KCNIP4: variants seen among roughly 807,000 people sequenced by gnomAD.
KCNIP4 encodes Kv channel-interacting protein 4.
KCNIP4 carries 12 observed loss-of-function variants against 34.0 expected under a neutral mutation model. That is an observed-to-expected ratio of 0.35 (90% CI 0.23 to 0.57). The LOEUF (loss-of-function observed/expected upper bound fraction) is 0.57. KCNIP4 is among the 20% of genes least tolerant of loss of function. The pLI is 0.83. For synonymous variants in KCNIP4, 124 were observed against 102.2 expected (o/e 1.21, Z -1.29); for missense variants, 238 against 311.7 (o/e 0.76, Z 1.78).
intron 1 of KCNIP4, chr4:21,848,292 G>A (rs1250712174): frequency 6.6e-6 from 1 of 152,118 alleles, no homozygotes; most frequent in Non-Finnish European, 1.5e-5. Context: ...CTTGGAACTG[G>A]AAATAAGAGG....
intron 1 of KCNIP4, among the ~76,000 whole-genome samples, chr4:21,363,739 A>G (rs926622763): frequency 2.0e-5 from 3 of 152,172 alleles, no homozygotes; most frequent in African/African-American, 4.8e-5. Flanking sequence ...CCAAAGCTTG[A>G]TATCATTCCT....
At chr4:21,866,556 T>C (rs997581348) in intron 1 of KCNIP4, among the ~76,000 whole-genome samples, 1 of 152,148 alleles carries the variant, frequency 6.6e-6, no homozygotes, top group Non-Finnish European at 1.5e-5. Flanking sequence ...AGAGTAGGAA[T>C]GGTCACGTGC....
chr4:21,511,540 A>T (rs1160509477), intron 1 of KCNIP4, among the ~76,000 whole-genome samples: 1 of 152,206 alleles, frequency 6.6e-6, no homozygotes, highest in African/African-American at 2.4e-5. Flanking sequence ...TAAAACTTTG[A>T]AATGACATTG....
At position 21,213,096 on chromosome 4, in the gene KCNIP4, C is replaced by T. The variant is rs535814658; in HGVS notation, c.62-330387G>A. Among the ~76,000 whole-genome samples, 3 of 152,148 alleles carry T rather than the reference C, an allele frequency of 2.0e-5. No individual in the cohort carries two copies. The East Asian group carries it at 5.8e-4, about 30-fold the overall frequency. On this transcript the variant is annotated intron_variant, in intron 1 of 8. Coordinates refer to ENST00000382152, the MANE Select transcript of KCNIP4 (RefSeq NM_025221.6). ...AACTAAACTTGCAGGGATTTTGGCT[C>T]TCATCAAGGTCCGGACGAGGTGCAT...
At chr4:21,722,707 G>A (rs991004435) in intron 1 of KCNIP4, among the ~76,000 whole-genome samples, 2 of 152,086 alleles carry the variant, frequency 1.3e-5, no homozygotes, top group African/African-American at 2.4e-5. Flanking sequence ...GGGAGCGGAT[G>A]GGTATCTGGT....
At chr4:21,247,135 T>C (rs1760264602) in intron 1 of KCNIP4, among the ~76,000 whole-genome samples, 2 of 152,176 alleles carry the variant, frequency 1.3e-5, no homozygotes, top group Admixed American at 6.5e-5. Flanking sequence ...ATTTCAGAGT[T>C]GGAAGAGGTT....
chr4:21,499,701 A>G (rs544202959), intron 1 of KCNIP4, among the ~76,000 whole-genome samples: 3 of 152,176 alleles, frequency 2.0e-5, no homozygotes, highest in Non-Finnish European at 4.4e-5. Flanking sequence ...CTATAAGCAT[A>G]TGAACACTAT....
At chr4:20,774,374 T>C (rs1756187353) in intron 3 of KCNIP4, among the ~76,000 whole-genome samples, 1 of 152,196 alleles carries the variant, frequency 6.6e-6, no homozygotes, top group Non-Finnish European at 1.5e-5. Context: ...AACAGCCCCT[T>C]CCTTATGAGC....
At chr4:20,846,667 C>T (rs79385593) in intron 3 of KCNIP4, among the ~76,000 whole-genome samples, 39 of 152,170 alleles carry the variant, frequency 2.6e-4, no homozygotes, top group Middle Eastern at 3.4e-3. Context: ...CACACATACG[C>T]GCACACACAA....
chr4:20,974,192 A>T (rs536926613), intron 1 of KCNIP4, among the ~76,000 whole-genome samples: 3 of 152,296 alleles, frequency 2.0e-5, no homozygotes, highest in African/African-American at 7.2e-5. Flanking sequence ...CCTGGGTAAC[A>T]CACTCCTTAT....
intron 3 of KCNIP4, among the ~76,000 whole-genome samples, chr4:20,849,703 T>C (rs1423074861): frequency 6.6e-6 from 1 of 152,214 alleles, no homozygotes; most frequent in South Asian, 2.1e-4. Flanking sequence ...GGTTTCCATA[T>C]GTATAAGAAC....
intron 3 of KCNIP4, among the ~76,000 whole-genome samples, chr4:20,798,536 C>CAA (rs1291033812): frequency 2.0e-5 from 3 of 151,414 alleles, no homozygotes; most frequent in African/African-American, 7.3e-5. Flanking sequence ...CACACACACA[C>CAA]ACAGACACAC....
At chr4:20,764,351 A>G (rs1008163406) in intron 3 of KCNIP4, among the ~76,000 whole-genome samples, 14 of 152,190 alleles carry the variant, frequency 9.2e-5, no homozygotes, top group Admixed American at 5.9e-4. Flanking sequence ...CATTTTTTAC[A>G]TCATGATTTT....
chr4:21,480,715 G>A lies in KCNIP4; in HGVS notation c.61+467856C>T, dbSNP rs534839094. Reference sequence around the variant, plus strand: ...CTATAAAACACATAGAATATGTCTAGTTAAAATTATTAAAGACTCATATGT... The same window carrying A: ...CTATAAAACACATAGAATATGTCTAATTAAAATTATTAAAGACTCATATGT... On this transcript the variant is annotated intron_variant, in intron 1 of 8. Transcript: ENST00000382152. Among the ~76,000 whole-genome samples, 4 of 152,156 alleles carry A rather than the reference G, an allele frequency of 2.6e-5. No homozygotes were observed. In the South Asian group the frequency reaches 8.3e-4, roughly 32 times the overall value.
chr4:20,748,583 T>C (rs1286584666), intron 5 of KCNIP4, among the ~76,000 whole-genome samples: 2 of 93,990 alleles, frequency 2.1e-5, no homozygotes, highest in African/African-American at 7.2e-5. Flanking sequence ...TATATATATA[T>C]ATATATATAT....
chr4:21,274,528 A>C (rs975718895), intron 1 of KCNIP4, among the ~76,000 whole-genome samples: 4 of 152,184 alleles, frequency 2.6e-5, no homozygotes, highest in African/African-American at 9.6e-5. Flanking sequence ...CATATATCTA[A>C]AAGGTTACAT....
chr4:21,809,424 G>C (rs1032421922), intron 1 of KCNIP4, among the ~76,000 whole-genome samples: 6 of 152,184 alleles, frequency 3.9e-5, no homozygotes, highest in Non-Finnish European at 8.8e-5. Flanking sequence ...CCAGCTTGCA[G>C]ATGGCAGACT....
At chr4:21,346,739 T>C (rs1047626270) in intron 1 of KCNIP4, among the ~76,000 whole-genome samples, 3 of 152,124 alleles carry the variant, frequency 2.0e-5, no homozygotes, top group African/African-American at 4.8e-5. Flanking sequence ...GGATTATGCC[T>C]TTCTAAAAAG....
intron 1 of KCNIP4, among the ~76,000 whole-genome samples, chr4:21,557,002 A>G (rs768891376): frequency 6.6e-6 from 1 of 151,876 alleles, no homozygotes. Context: ...ATGTTGTTAA[A>G]GAAAATGCTG....
Sources: gnomAD v4.1 joint callset for allele counts (sites outside exome capture counted in the v4.1 genomes callset) on GRCh38, gnomAD v4.1.1 for gene constraint, MANE v1.5 for transcripts, NCBI Gene and HGNC (gene_info 2026-07-23, HGNC 2026-07-21) for gene names.